Variants in ITSN1 observed in about 807,000 individuals in gnomAD.
ITSN1 encodes the protein intersectin-1.
ITSN1 carries 58 observed loss-of-function variants against 239.8 expected under a neutral mutation model. The ratio of observed to expected loss-of-function variants is 0.24; its 90% CI spans 0.20 to 0.30. The LOEUF (loss-of-function observed/expected upper bound fraction) is 0.30, where lower values mean the gene tolerates loss of function less well. ITSN1 is among the 10% of genes least tolerant of loss of function. The pLI is 1.00. For missense variants in ITSN1, 1,558 were observed against 2,103.3 expected (o/e 0.74, Z 5.07); for synonymous variants, 780 against 770.8 (o/e 1.01, Z -0.20).
chr21:33,781,135 G>A (rs982903501), intron 14 of ITSN1, among the ~76,000 whole-genome samples: 5 of 152,090 alleles, frequency 3.3e-5, no homozygotes, highest in South Asian at 2.1e-4. Flanking sequence ...ATTTGATCCC[G>A]GTGCCATTGG....
At chr21:33,829,437 A>G (rs2074163021) in intron 26 of ITSN1, 187 bp from the exon 27 acceptor site, 4 of 628,980 alleles carry the variant, frequency 6.4e-6, no homozygotes, top group Admixed American at 5.1e-5. Flanking sequence ...AGGCCCTTGA[A>G]TGCCGTGTCT....
chr21:33,732,190 G>A lies in ITSN1; in HGVS notation c.186-2854G>A, dbSNP rs768389408. 5.3e-4 allele frequency among the ~76,000 whole-genome samples: 81 copies of A among 152,280 alleles called. 1 individual carries two copies. The highest frequency in any genetic ancestry group is 1.6e-3 in the Admixed American group (24 of 15,300). ...TTTTGTCATGCGGGTGAAGCCTCCCGGTAGTAGACTTCAGAGAAAATAGAT... is the reference window on the plus strand; with the variant it reads ...TTTTGTCATGCGGGTGAAGCCTCCCAGTAGTAGACTTCAGAGAAAATAGAT... On this transcript the variant is annotated intron_variant, in intron 4 of 39. Coordinates refer to ENST00000381318, the MANE Select transcript of ITSN1 (RefSeq NM_003024.3).
intron 33 of ITSN1, among the ~76,000 whole-genome samples, chr21:33,867,950 C>A (rs574309154): frequency 6.6e-6 from 1 of 152,202 alleles, no homozygotes; most frequent in Non-Finnish European, 1.5e-5. Flanking sequence ...AGGAGTGAAG[C>A]TGCAGACTTT....
At chr21:33,670,431 G>GA (rs1359280449) in intron 1 of ITSN1, among the ~76,000 whole-genome samples, 2 of 150,576 alleles carry the variant, frequency 1.3e-5, no homozygotes, top group African/African-American at 4.9e-5. Flanking sequence ...TATTTAAAAT[G>GA]AAAAATAAAC....
intron 8 of ITSN1, among the ~76,000 whole-genome samples, chr21:33,761,060 CAT>C (rs1465473746): frequency 6.9e-6 from 1 of 145,108 alleles, no homozygotes. Flanking sequence ...TCTTGGCTAA[CAT>C]AGGAAATGTG....
At chr21:33,671,173 C>T (rs1178106493) in intron 1 of ITSN1, among the ~76,000 whole-genome samples, 1 of 152,224 alleles carries the variant, frequency 6.6e-6, no homozygotes, top group Non-Finnish European at 1.5e-5. Flanking sequence ...TGCCTCCCAG[C>T]GAATGAGACC....
chr21:33,658,659 C>T (rs2089293688), intron 1 of ITSN1, among the ~76,000 whole-genome samples: 2 of 152,190 alleles, frequency 1.3e-5, no homozygotes, highest in South Asian at 4.1e-4. Flanking sequence ...GCGCTTAAAA[C>T]TTCAATACAT....
At chr21:33,711,921 C>A (rs1216804320) in intron 1 of ITSN1, among the ~76,000 whole-genome samples, 1 of 152,116 alleles carries the variant, frequency 6.6e-6, no homozygotes, top group Non-Finnish European at 1.5e-5. Flanking sequence ...ATTTTAAAGA[C>A]CCTAATAGGA....
At chr21:33,697,117 CTG>C (rs1387920970) in intron 1 of ITSN1, among the ~76,000 whole-genome samples, 2 of 149,726 alleles carry the variant, frequency 1.3e-5, no homozygotes, top group African/African-American at 4.9e-5. Context: ...GATTCTCACT[CTG>C]TCGCCCAAGT....
Position 33,654,219 on chromosome 21 carries a change from A to ATTTT in ITSN1, c.-33+11522_-33+11525dup, listed in dbSNP as rs912312736. Among the ~76,000 whole-genome samples the ATTTT allele has an allele frequency of 5.2e-5, 7 of 133,344 alleles. No individual in the cohort carries two copies. In the Admixed American group the frequency reaches 5.3e-4, roughly 10 times the overall value. The allele number at this position is 133,344 out of a possible 152,430, so 87.5% of individuals were successfully genotyped here. ...AGCCACGCACCACCACACCTGGCTA[A>ATTTT]TTTTTTTTTTTTTTTTTTTGGAGAG... is the stretch of plus-strand genomic sequence containing the variant. On this transcript the variant is annotated intron_variant, in intron 1 of 39. Transcript: ENST00000381318.
chr21:33,708,912 A>G (rs1194936313), intron 1 of ITSN1, among the ~76,000 whole-genome samples: 1 of 152,130 alleles, frequency 6.6e-6, no homozygotes. Flanking sequence ...TTGTTGAAAG[A>G]CTTTTTTCCT....
intron 29 of ITSN1, among the ~76,000 whole-genome samples, chr21:33,844,021 T>A (rs2074910967): frequency 6.6e-6 from 1 of 152,234 alleles, no homozygotes. Context: ...TTTTAAGACC[T>A]TTTAGAAAGT....
At chr21:33,860,795 C>T (rs1370406486) in intron 31 of ITSN1, among the ~76,000 whole-genome samples, 2 of 152,200 alleles carry the variant, frequency 1.3e-5, no homozygotes, top group African/African-American at 4.8e-5. Flanking sequence ...AGTCAGACAT[C>T]CCAAGTTTTT....
At position 33,725,441 on chromosome 21, in the gene ITSN1, T is replaced by A. The variant is rs571720362; in HGVS notation, c.185+2790T>A. Among the ~76,000 whole-genome samples the A allele has an allele frequency of 5.9e-4, 89 of 151,942 alleles. No homozygotes were observed. In the South Asian group the frequency reaches 0.017, roughly 29 times the overall value. On this transcript the variant is annotated intron_variant, in intron 4 of 39. Transcript: ENST00000381318. Reference sequence around the variant, plus strand: ...GAGTCACTGTGCCCGGCCAAAAAAATTTTTTTTAATTAGCTGGGCATTGTG... The same window carrying A: ...GAGTCACTGTGCCCGGCCAAAAAAAATTTTTTTAATTAGCTGGGCATTGTG...
chr21:33,791,269 GA>G (rs2071109249), intron 16 of ITSN1, among the ~76,000 whole-genome samples: 1 of 152,154 alleles, frequency 6.6e-6, no homozygotes, highest in Admixed American at 6.5e-5. Context: ...TTGGATGAAG[GA>G]AATGATAGAA....
At chr21:33,751,179 C>T (rs1277763268) in intron 6 of ITSN1, among the ~76,000 whole-genome samples, 3 of 152,108 alleles carry the variant, frequency 2.0e-5, no homozygotes, top group African/African-American at 7.2e-5. Flanking sequence ...ATGATGGTAG[C>T]CCAGAAAGTG....
At chr21:33,670,711 G>T (rs930561353) in intron 1 of ITSN1, among the ~76,000 whole-genome samples, 3 of 152,162 alleles carry the variant, frequency 2.0e-5, no homozygotes, top group African/African-American at 7.2e-5. Flanking sequence ...ATTCATCTCA[G>T]AATTCAAATG....
intron 1 of ITSN1, among the ~76,000 whole-genome samples, chr21:33,706,746 G>GTTTA (rs1381623145): frequency 9.9e-5 from 15 of 152,098 alleles, no homozygotes; most frequent in Admixed American, 5.9e-4. Flanking sequence ...GGTTTTATTT[G>GTTTA]TTTATTTATT....
At position 33,797,601 on chromosome 21, in the gene ITSN1, C is replaced by T. The variant is rs267606113; in HGVS notation, c.2175C>T (p.Ser725=). ...PAKPAVQAPW[S]TAEKGPLTIS... is the part of the protein sequence containing the mutation. ...AGCCAGCTGTCCAGGCACCCTGGTC[C>T]ACTGCAGGTATTAGAAGCCAAAAAT... Residue 725 remains serine (S), a synonymous_variant, in exon 18 of 40, where the codon TCC becomes TCT. Transcript: ENST00000381318. The surrounding 1 kb of genome is among the most constrained non-coding windows in gnomAD (Gnocchi z 4.9). 1.2e-6 allele frequency: 2 copies of T among 1,613,546 alleles called. No homozygotes were observed. Among genetic ancestry groups the T allele is most frequent in the East Asian group, 2.2e-5 (1 of 44,876 alleles).
Sources: allele counts gnomAD v4.1 joint callset (sites outside exome capture counted in the v4.1 genomes callset), GRCh38; gene constraint gnomAD v4.1.1; non-coding constraint Gnocchi (gnomAD v3.1); transcripts MANE v1.5; gene names NCBI Gene and HGNC (gene_info 2026-07-23, HGNC 2026-07-21).